Variants in SEPTIN9 observed in about 807,000 individuals in gnomAD.
SEPTIN9 encodes septin 9.
Under a neutral mutation model 56.6 loss-of-function variants are expected in SEPTIN9, and 13 were observed. The observed-to-expected ratio is 0.23, with a 90% CI of 0.15 to 0.37. The LOEUF is 0.37. SEPTIN9 is among the 10% of genes least tolerant of loss of function. The probability of loss-of-function intolerance (pLI) is 1.00; values close to 1 mark genes in which losing one functional copy is unlikely to be tolerated. For synonymous variants in SEPTIN9, 332 were observed against 334.1 expected (o/e 0.99, Z 0.07); for missense variants, 650 against 823.1 (o/e 0.79, Z 2.57).
In SEPTIN9 at chr17:77,475,992, AC is replaced by A; in HGVS notation, c.722-6149del. ...AAGACAGGGGAATGGCATTGACTTG[AC>A]CCTGAGCACTTTGTCCTGGGGTGCA... On this transcript the variant is annotated intron_variant, in intron 3 of 11. Coordinates refer to ENST00000427177, the MANE Select transcript of SEPTIN9 (RefSeq NM_001113491.2). This position sits in a 1 kb window ranked among gnomAD's most constrained non-coding sequence, Gnocchi z 4.6. The A allele has an allele frequency of 7.2e-7, 1 of 1,382,624 alleles. No individual in the cohort carries two copies. The highest frequency in any genetic ancestry group is 1.0e-6 in the Non-Finnish European group (1 of 1,001,664). The allele number at this position is 1,382,624 out of a possible 1,614,324, so 85.6% of individuals were successfully genotyped here.
intron 2 of SEPTIN9, among the ~76,000 whole-genome samples, 171 bp downstream of exon 2, chr17:77,307,368 T>C (rs979139052): frequency 6.6e-6 from 1 of 152,236 alleles, no homozygotes; most frequent in African/African-American, 2.4e-5. Flanking sequence ...CTCAGGTGGC[T>C]TCCAGGCCTG....
At position 77,327,849 on chromosome 17, in the gene SEPTIN9, C is replaced by T. The variant is rs552522204; in HGVS notation, c.76+20652C>T. Reference sequence around the variant, plus strand: ...ACTTTGCCATGAAAGCTTGAAAATGCTCTTTGGACCGATTTGCTGGAACAG... The same window carrying T: ...ACTTTGCCATGAAAGCTTGAAAATGTTCTTTGGACCGATTTGCTGGAACAG... On this transcript the variant is annotated intron_variant, in intron 2 of 11. Coordinates refer to ENST00000427177, the MANE Select transcript of SEPTIN9 (RefSeq NM_001113491.2). This position sits in a 1 kb window ranked among gnomAD's most constrained non-coding sequence, Gnocchi z 5.0. Among the ~76,000 whole-genome samples the T allele has an allele frequency of 4.6e-4, 70 of 152,332 alleles. No homozygotes were observed. Among genetic ancestry groups the T allele is most frequent in the African/African-American group, 1.5e-3 (63 of 41,574 alleles).
intron 2 of SEPTIN9, among the ~76,000 whole-genome samples, chr17:77,358,022 T>C (rs1476204396): frequency 6.6e-6 from 1 of 152,232 alleles, no homozygotes; most frequent in Non-Finnish European, 1.5e-5. Flanking sequence ...AGCTCCTATT[T>C]TAGGCCAGGC....
rs778812714 is a variant in SEPTIN9, at chr17:77,475,836, A to G, written c.722-6308A>G. ...GCCGTGGCCTGGTCAGTGGCTTCAC[A>G]GGCCTCCGTGGGCAGGAGGAGGATG... On this transcript the variant is annotated intron_variant, in intron 3 of 11. Coordinates refer to ENST00000427177, the MANE Select transcript of SEPTIN9 (RefSeq NM_001113491.2). The surrounding 1 kb of genome is among the most constrained non-coding windows in gnomAD (Gnocchi z 4.6). 1.2e-6 allele frequency: 2 copies of G among 1,613,560 alleles called. No homozygotes were observed. Among genetic ancestry groups the G allele is most frequent in the South Asian group, 1.1e-5 (1 of 91,086 alleles).
chr17:77,480,662 C>T (rs1019714923), intron 3 of SEPTIN9, among the ~76,000 whole-genome samples: 8 of 152,214 alleles, frequency 5.3e-5, no homozygotes, highest in Non-Finnish European at 1.2e-4. Context: ...CTGGCTCCCA[C>T]GCCGGCTCCA....
chr17:77,427,866 C>T (rs1032491152), intron 3 of SEPTIN9, among the ~76,000 whole-genome samples: 3 of 152,154 alleles, frequency 2.0e-5, no homozygotes, highest in Non-Finnish European at 2.9e-5. Context: ...TGGGCCTGCC[C>T]GACTTGCTAT....
chr17:77,486,521 T>TGTGTGTGTGTGTGC (rs757455924), intron 4 of SEPTIN9, among the ~76,000 whole-genome samples: 1 of 120,132 alleles, frequency 8.3e-6, no homozygotes, highest in African/African-American at 4.0e-5. Context: ...TGTGTGTGTG[T>TGTGTGTGTGTGTGC]GCGCGCACGC....
intron 2 of SEPTIN9, among the ~76,000 whole-genome samples, chr17:77,360,786 G>A (rs994070333): frequency 3.3e-5 from 5 of 151,900 alleles, no homozygotes; most frequent in African/African-American, 1.2e-4. Flanking sequence ...GGATGGTCTC[G>A]ATCTCCTGAC....
chr17:77,413,135 G>A lies in SEPTIN9; in HGVS notation c.721+10432G>A, dbSNP rs555074423. Among the ~76,000 whole-genome samples, 76 of 151,368 alleles carry A rather than the reference G, an allele frequency of 5.0e-4. 1 individual carries two copies. The South Asian group carries it at 0.015, about 30-fold the overall frequency. ...GTGTGTGTGTGTGCTATTTTTATCA[G>A]TTTTGGTGTCTGCATTGTGCTGGCT... is the stretch of plus-strand genomic sequence containing the variant. On this transcript the variant is annotated intron_variant, in intron 3 of 11. Transcript: ENST00000427177.
chr17:77,422,435 G>C (rs796342213), intron 3 of SEPTIN9, among the ~76,000 whole-genome samples: 5 of 152,320 alleles, frequency 3.3e-5, no homozygotes, highest in African/African-American at 1.2e-4. Flanking sequence ...GGGGAGGGGA[G>C]CTTCTCCCCT....
intron 2 of SEPTIN9, among the ~76,000 whole-genome samples, chr17:77,384,339 C>T (rs750675461): frequency 6.6e-6 from 1 of 151,828 alleles, no homozygotes; most frequent in African/African-American, 2.4e-5. Flanking sequence ...ACGGCGACTT[C>T]TGCATGTCCT....
chr17:77,345,604 G>C (rs985909706), intron 2 of SEPTIN9, among the ~76,000 whole-genome samples: 1 of 152,228 alleles, frequency 6.6e-6, no homozygotes, highest in Non-Finnish European at 1.5e-5. Flanking sequence ...TGAGAAGTTT[G>C]CTGAGGTCCC....
intron 3 of SEPTIN9, among the ~76,000 whole-genome samples, chr17:77,461,996 A>T (rs1313476725): frequency 6.6e-6 from 1 of 152,160 alleles, no homozygotes; most frequent in Non-Finnish European, 1.5e-5. Context: ...ATTCTCTCTC[A>T]CTCAGGCCTT....
At chr17:77,413,237 C>G (rs1319926485) in intron 3 of SEPTIN9, among the ~76,000 whole-genome samples, 2 of 152,122 alleles carry the variant, frequency 1.3e-5, no homozygotes, top group African/African-American at 4.8e-5. Context: ...AATAATCTCT[C>G]TGTTAAAACT....
intron 3 of SEPTIN9, among the ~76,000 whole-genome samples, chr17:77,432,003 A>C (rs2037158440): frequency 6.6e-6 from 1 of 152,076 alleles, no homozygotes; most frequent in African/African-American, 2.4e-5. Context: ...ACTTAGAAAC[A>C]GGTTGGGGAG....
chr17:77,417,635 C>A (rs1233473887), intron 3 of SEPTIN9, among the ~76,000 whole-genome samples: 1 of 152,190 alleles, frequency 6.6e-6, no homozygotes, highest in East Asian at 1.9e-4. Context: ...TGGAGAGTTC[C>A]TGAGGACTTT....
intron 2 of SEPTIN9, chr17:77,375,620 T>C (rs1177722670): frequency 6.6e-6 from 1 of 152,280 alleles, no homozygotes; most frequent in East Asian, 1.9e-4. Context: ...AATGGGCTCA[T>C]TGAGACCATC....
intron 3 of SEPTIN9, among the ~76,000 whole-genome samples, chr17:77,442,409 G>C (rs2037578991): frequency 6.6e-6 from 1 of 150,548 alleles, no homozygotes; most frequent in Non-Finnish European, 1.5e-5. Context: ...ATGTTGGCCA[G>C]GCTGGTCTCA....
chr17:77,299,756 A>T (rs140821690), intron 1 of SEPTIN9, among the ~76,000 whole-genome samples: 1 of 152,232 alleles, frequency 6.6e-6, no homozygotes, highest in African/African-American at 2.4e-5. Flanking sequence ...GGCAAGGTGG[A>T]CGCCTGCTGC....
Sources: allele counts gnomAD v4.1 joint callset (sites outside exome capture counted in the v4.1 genomes callset), GRCh38; gene constraint gnomAD v4.1.1; non-coding constraint Gnocchi (gnomAD v3.1); transcripts MANE v1.5; gene names NCBI Gene and HGNC (gene_info 2026-07-23, HGNC 2026-07-21).